The following CIMIP7 variants were observed in gnomAD, a reference collection of about 807,000 sequenced individuals.
CIMIP7 encodes ciliary microtubule inner protein 7.
chr3:49,189,562 C>G, the CIMIP7 span, among the ~76,000 whole-genome samples: 1 of 152,220 alleles, frequency 6.6e-6, no homozygotes, highest in African/African-American at 2.4e-5. Flanking sequence ...CCAGTATTCC[C>G]TGGCCAAATG....
At chr3:49,190,582 G>A in the CIMIP7 span, among the ~76,000 whole-genome samples, 28 of 149,254 alleles carry the variant, frequency 1.9e-4, no homozygotes, top group African/African-American at 6.4e-4. Flanking sequence ...TGCAACCTCC[G>A]CCTCCCGGGT....
chr3:49,182,201 C>G, the CIMIP7 span, among the ~76,000 whole-genome samples: 1 of 152,194 alleles, frequency 6.6e-6, no homozygotes, highest in Admixed American at 6.5e-5. Context: ...GGAAGGGGAC[C>G]AAAGCGGGTT....
chr3:49,186,828 TGATATTATACTATAGC>T, the CIMIP7 span, among the ~76,000 whole-genome samples: 1 of 152,228 alleles, frequency 6.6e-6, no homozygotes, highest in Non-Finnish European at 1.5e-5. Flanking sequence ...GTCCTTGTTG[TGATATTATACTATAGC>T]TTTGCAAGAT....
the CIMIP7 span, among the ~76,000 whole-genome samples, chr3:49,180,763 T>C: frequency 5.9e-5 from 9 of 151,324 alleles, no homozygotes; most frequent in Admixed American, 2.6e-4. Context: ...ACCCCGTCTC[T>C]ACTAAAAATA....
chr3:49,182,342 A>G, the CIMIP7 span, among the ~76,000 whole-genome samples: 1 of 152,318 alleles, frequency 6.6e-6, no homozygotes, highest in South Asian at 2.1e-4. Flanking sequence ...TGAGCTAGAC[A>G]CAAAGGTTCT....
the CIMIP7 span, among the ~76,000 whole-genome samples, chr3:49,183,243 A>G: frequency 2.0e-5 from 3 of 152,230 alleles, no homozygotes; most frequent in African/African-American, 7.2e-5. Flanking sequence ...ATATCACTAC[A>G]CATCTATCAG....
chr3:49,189,730 C>A, the CIMIP7 span: 1 of 493,834 alleles, frequency 2.0e-6, no homozygotes, highest in Non-Finnish European at 3.9e-6. Context: ...GTCAGCAAAA[C>A]TCAAGGCTTA....
chr3:49,183,671 A>G, the CIMIP7 span, among the ~76,000 whole-genome samples: 3 of 152,198 alleles, frequency 2.0e-5, no homozygotes, highest in East Asian at 5.8e-4. Flanking sequence ...AAAACAAAAC[A>G]ACAAAAACAC....
the CIMIP7 span, among the ~76,000 whole-genome samples, chr3:49,181,495 C>T: frequency 2.0e-5 from 3 of 151,992 alleles, no homozygotes; most frequent in Admixed American, 6.6e-5. Context: ...ACTGTCTCTA[C>T]AAAAAATAAC....
chr3:49,183,681 C>A, the CIMIP7 span, among the ~76,000 whole-genome samples: 2 of 152,162 alleles, frequency 1.3e-5, no homozygotes, highest in South Asian at 4.2e-4. Context: ...AACAAAAACA[C>A]TAAACATGCA....
the CIMIP7 span, among the ~76,000 whole-genome samples, chr3:49,181,738 G>T: frequency 6.6e-6 from 1 of 152,172 alleles, no homozygotes; most frequent in African/African-American, 2.4e-5. Flanking sequence ...TTAGAAAATG[G>T]ACAAACATGA....
chr3:49,178,520 A>AGTGTC, the CIMIP7 span: 1 of 1,613,558 alleles, frequency 6.2e-7, no homozygotes, highest in Non-Finnish European at 8.5e-7. Context: ...TTGGAGAAGA[A>AGTGTC]GTGTCGCTGC....
the CIMIP7 span, among the ~76,000 whole-genome samples, chr3:49,181,756 T>G: frequency 6.6e-6 from 1 of 152,198 alleles, no homozygotes; most frequent in Non-Finnish European, 1.5e-5. Flanking sequence ...TGAAGACATC[T>G]AACCAAAGAA....
At chr3:49,188,868 G>C in the CIMIP7 span, among the ~76,000 whole-genome samples, 1 of 151,984 alleles carries the variant, frequency 6.6e-6, no homozygotes, top group Non-Finnish European at 1.5e-5. Flanking sequence ...TGCCATCTTG[G>C]CTCACTGCAA....
At chr3:49,187,668 C>T in the CIMIP7 span, among the ~76,000 whole-genome samples, 1 of 152,050 alleles carries the variant, frequency 6.6e-6, no homozygotes, top group South Asian at 2.1e-4. Context: ...ATGTCATGGA[C>T]AAAAATTTTA....
the CIMIP7 span, among the ~76,000 whole-genome samples, chr3:49,179,736 C>A: frequency 1.2e-3 from 188 of 152,340 alleles, 4 homozygotes; most frequent in Middle Eastern, 0.024. Flanking sequence ...TCTCATGCCC[C>A]GCCATTAAAC....
chr3:49,185,030 G>T, the CIMIP7 span, among the ~76,000 whole-genome samples: 1 of 151,948 alleles, frequency 6.6e-6, no homozygotes, highest in Non-Finnish European at 1.5e-5. Context: ...GGGGGGCCGA[G>T]GTGGGTGGAT....
chr3:49,177,687 A>C, the CIMIP7 span: 1 of 1,609,334 alleles, frequency 6.2e-7, no homozygotes, highest in Non-Finnish European at 8.5e-7. Flanking sequence ...CAGAGACCCC[A>C]GCATGAAGGT....
At chr3:49,183,056 G>T in the CIMIP7 span, among the ~76,000 whole-genome samples, 1 of 152,206 alleles carries the variant, frequency 6.6e-6, no homozygotes, top group South Asian at 2.1e-4. Context: ...GCCCAGGAAG[G>T]GGCTCCCACA....
Sources: gnomAD v4.1 joint callset for allele counts (sites outside exome capture counted in the v4.1 genomes callset) on GRCh38, gnomAD v4.1.1 for gene constraint, MANE v1.5 for transcripts, NCBI Gene and HGNC (gene_info 2026-07-23, HGNC 2026-07-21) for gene names.